The following ADAMTSL3 variants were observed in gnomAD, a reference collection of about 807,000 sequenced individuals.
ADAMTSL3 encodes the protein ADAMTS-like protein 3.
A neutral mutation model predicts 201.7 loss-of-function variants in ADAMTSL3; 128 were observed. The observed-to-expected ratio is 0.63, with a 90% CI of 0.55 to 0.73. The LOEUF (loss-of-function observed/expected upper bound fraction) is 0.73. Among genes scored for constraint, ADAMTSL3 ranks in the 30% least tolerant of loss-of-function variants. The pLI is 0.00. For missense variants in ADAMTSL3, 1,990 were observed against 2,119.6 expected (o/e 0.94, Z 1.20); for synonymous variants, 738 against 748.4 (o/e 0.99, Z 0.23).
intron 9 of ADAMTSL3, among the ~76,000 whole-genome samples, chr15:83,881,385 C>A (rs886241836): frequency 1.3e-5 from 2 of 152,210 alleles, no homozygotes; most frequent in African/African-American, 4.8e-5. Context: ...ACAGATCTGT[C>A]CAGTTTCTCA....
At chr15:83,838,327 T>C (rs2064315890) in intron 7 of ADAMTSL3, 112 bp downstream of exon 7, 8 of 1,340,484 alleles carry the variant, frequency 6.0e-6, no homozygotes, top group Non-Finnish European at 8.0e-6. Flanking sequence ...AAGTAGCTTT[T>C]GTACCAATTT....
At chr15:83,956,685 A>G (rs2066868811) in intron 19 of ADAMTSL3, among the ~76,000 whole-genome samples, 1 of 152,000 alleles carries the variant, frequency 6.6e-6, no homozygotes, top group South Asian at 2.1e-4. Context: ...ACAGGCACAC[A>G]CACACACACA....
rs1412011444 is a variant in ADAMTSL3, at chr15:84,021,510, G to C, written c.4374G>C (p.Gln1458His). ...CCCAGTGTGTGATGGCCAATGGGCA[G>C]GAAGTGAGTGAGGCCCTGTGTGATC... ...QRPQCVMANG[Q>H]EVSEALCDHL... Residue 1458 changes from glutamine (Q) to histidine (H), a missense_variant, in exon 26 of 30, where the codon CAG becomes CAC. Physicochemically the swap from Gln to His is conservative, Grantham distance 24 (BLOSUM62 0). Coordinates refer to ENST00000286744, the MANE Select transcript of ADAMTSL3 (RefSeq NM_207517.3). The C allele has an allele frequency of 1.2e-6, 2 of 1,614,200 alleles. No individual in the cohort carries two copies. Among genetic ancestry groups the C allele is most frequent in the Non-Finnish European group, 1.7e-6 (2 of 1,180,032 alleles).
At chr15:83,807,184 G>A (rs1216122816) in intron 5 of ADAMTSL3, among the ~76,000 whole-genome samples, 1 of 152,224 alleles carries the variant, frequency 6.6e-6, no homozygotes, top group African/African-American at 2.4e-5. Flanking sequence ...GGCCGGGCAT[G>A]GTGGCTCACG....
intron 2 of ADAMTSL3, among the ~76,000 whole-genome samples, chr15:83,672,013 G>C (rs983686110): frequency 6.6e-6 from 1 of 152,136 alleles, no homozygotes; most frequent in African/African-American, 2.4e-5. Context: ...TTATTACTAA[G>C]TTGTACCATT....
intron 23 of ADAMTSL3, among the ~76,000 whole-genome samples, chr15:84,003,662 A>G (rs1397331421): frequency 1.3e-5 from 2 of 152,212 alleles, no homozygotes; most frequent in Non-Finnish European, 2.9e-5. Context: ...TGAATGCCCT[A>G]TACCACTCAA....
chr15:83,757,416 C>T (rs568654268), intron 3 of ADAMTSL3, among the ~76,000 whole-genome samples: 1 of 151,888 alleles, frequency 6.6e-6, no homozygotes, highest in South Asian at 2.1e-4. Flanking sequence ...TACCTTGGCC[C>T]CTTTTAGCTG....
At chr15:83,838,013 CT>C in intron 6 of ADAMTSL3, 75 bp from the exon 7 acceptor site, 3 of 1,547,244 alleles carry the variant, frequency 1.9e-6, no homozygotes, top group Non-Finnish European at 2.6e-6. Context: ...TACATCACAA[CT>C]AAGCTTCCTG....
intron 2 of ADAMTSL3, among the ~76,000 whole-genome samples, chr15:83,670,455 T>C (rs2061316782): frequency 6.6e-6 from 1 of 152,026 alleles, no homozygotes; most frequent in African/African-American, 2.4e-5. Context: ...ATTTTTTGAC[T>C]GTGACTCACA....
At chr15:83,683,883 A>C (rs758897780) in intron 2 of ADAMTSL3, among the ~76,000 whole-genome samples, 82 of 152,220 alleles carry the variant, frequency 5.4e-4, no homozygotes, top group Admixed American at 2.2e-3. Context: ...GACATCTTAA[A>C]GATCTGGCTT....
chr15:83,775,576 C>T lies in ADAMTSL3; in HGVS notation c.317+1926C>T, dbSNP rs570821291. 2.4e-4 allele frequency among the ~76,000 whole-genome samples: 37 copies of T among 152,224 alleles called. 1 individual carries two copies. The South Asian group carries it at 7.3e-3, about 30-fold the overall frequency. ...GGAAGGGCAGTTGTTCAACTTCTTC[C>T]ATCTTTTCTACTCGTACTCAGAAGG... On this transcript the variant is annotated intron_variant, in intron 4 of 29. Coordinates refer to ENST00000286744, the MANE Select transcript of ADAMTSL3 (RefSeq NM_207517.3).
chr15:83,943,113 T>C, intron 19 of ADAMTSL3, 31 bp downstream of exon 19: 1 of 1,563,304 alleles, frequency 6.4e-7, no homozygotes, highest in Admixed American at 2.0e-5. Flanking sequence ...TATAGTCCCT[T>C]CTTTTCTGCC....
At chr15:83,931,387 T>C (rs771431409) in intron 17 of ADAMTSL3, among the ~76,000 whole-genome samples, 65 of 152,210 alleles carry the variant, frequency 4.3e-4, no homozygotes, top group Non-Finnish European at 7.8e-4. Context: ...CTATAATTGA[T>C]TTATCTAGCT....
chr15:83,819,252 A>G (rs2063818342), intron 5 of ADAMTSL3, among the ~76,000 whole-genome samples: 1 of 143,228 alleles, frequency 7.0e-6, no homozygotes, highest in Non-Finnish European at 1.5e-5. Context: ...CGACAGAGTG[A>G]CACTCCGTCT....
chr15:83,710,450 T>A (rs2061918946), intron 3 of ADAMTSL3, among the ~76,000 whole-genome samples: 1 of 152,158 alleles, frequency 6.6e-6, no homozygotes, highest in African/African-American at 2.4e-5. Context: ...AAATCTAACT[T>A]CTTCTATGTC....
At chr15:83,712,503 G>C (rs768937363) in intron 3 of ADAMTSL3, among the ~76,000 whole-genome samples, 17 of 152,174 alleles carry the variant, frequency 1.1e-4, no homozygotes, top group Non-Finnish European at 2.4e-4. Context: ...TCTCATCTCA[G>C]TGCTCCTCTT....
chr15:83,885,537 A>G (rs1476723569), intron 10 of ADAMTSL3, among the ~76,000 whole-genome samples: 1 of 151,984 alleles, frequency 6.6e-6, no homozygotes, highest in African/African-American at 2.4e-5. Context: ...ATTATTTTTA[A>G]TTTTCTATGA....
intron 3 of ADAMTSL3, among the ~76,000 whole-genome samples, chr15:83,772,070 T>C (rs1286407861): frequency 6.6e-6 from 1 of 152,060 alleles, no homozygotes; most frequent in Non-Finnish European, 1.5e-5. Flanking sequence ...CCCAGGCTGG[T>C]CTTGAACTCC....
chr15:83,795,513 C>T (rs763553667), intron 4 of ADAMTSL3, among the ~76,000 whole-genome samples: 1 of 151,990 alleles, frequency 6.6e-6, no homozygotes, highest in Non-Finnish European at 1.5e-5. Flanking sequence ...GGAACTGCAA[C>T]CCTAAGATAA....
Sources: gnomAD v4.1 joint callset for allele counts (sites outside exome capture counted in the v4.1 genomes callset) on GRCh38, gnomAD v4.1.1 for gene constraint, MANE v1.5 for transcripts, NCBI Gene and HGNC (gene_info 2026-07-23, HGNC 2026-07-21) for gene names.